QRFP: variants seen among roughly 807,000 people sequenced by gnomAD.
QRFP encodes pyroglutamylated RFamide peptide.
In QRFP, 7 loss-of-function variants were observed where a neutral mutation model predicts 9.1. The ratio of observed to expected loss-of-function variants is 0.77; its 90% CI spans 0.44 to 1.45. QRFP has a LOEUF of 1.45. QRFP is among the 40% of genes most tolerant of loss of function. QRFP has a pLI of 0.01. For synonymous variants in QRFP, 91 were observed against 80.2 expected, an observed-to-expected ratio of 1.13 and a Z score of -0.72; for missense variants, 204 against 185.4, an observed-to-expected ratio of 1.10 and a Z score of -0.58.
chr9:130,895,414 G>A (rs1831743117), intron 2 of QRFP, among the ~76,000 whole-genome samples: 1 of 152,216 alleles, frequency 6.6e-6, no homozygotes, highest in Admixed American at 6.5e-5. Flanking sequence ...TAGAAAGTGG[G>A]GATGCTCATC....
intron 1 of QRFP, 133 bp from the exon 2 acceptor site, chr9:130,896,114 G>T (rs1018954506): frequency 6.6e-6 from 1 of 152,232 alleles, no homozygotes; most frequent in African/African-American, 2.4e-5. Context: ...TCACGCTCCG[G>T]AGAGGACATG....
rs948907773 is a variant in QRFP at position 130,893,113 on chromosome 9, A to G, written c.*315T>C. The G allele has an allele frequency of 1.1e-5, 3 of 268,566 alleles. No homozygotes were observed. Among genetic ancestry groups the G allele is most frequent in the African/African-American group, 2.2e-5 (1 of 45,078 alleles). The allele number at this position is 268,566 out of a possible 1,614,324, so 16.6% of individuals were successfully genotyped here. ...CTGCCTCGCTCTGCTATTCACACTCATGGCCCAGCCACAGCCTCAGCTCCG... is the reference window on the plus strand; with the variant it reads ...CTGCCTCGCTCTGCTATTCACACTCGTGGCCCAGCCACAGCCTCAGCTCCG... On this transcript the variant is annotated 3_prime_UTR_variant, in exon 3 of 3. Transcript: ENST00000623824.
At chr9:130,895,580 C>T (rs1233341260) in intron 2 of QRFP, 117 bp downstream of exon 2, 1 of 152,480 alleles carries the variant, frequency 6.6e-6, no homozygotes, top group Non-Finnish European at 1.5e-5. Context: ...ACTGGTGTCC[C>T]CTCTCCGGGC....
intron 2 of QRFP, among the ~76,000 whole-genome samples, chr9:130,895,288 A>G (rs994323382): frequency 3.3e-5 from 5 of 152,178 alleles, no homozygotes; most frequent in Admixed American, 1.3e-4. Context: ...ATCCTGGTGG[A>G]TAAATCCACC....
Position 130,893,516 on chromosome 9 carries a change from G to C in QRFP, c.323C>G (p.Thr108Ser), listed in dbSNP as rs564310030. Residue 108 changes from threonine to serine, a missense_variant, in exon 3 of 3, where the codon ACC becomes AGC. Transcript: ENST00000623824. ...TGFLPAAGEK[T>S]SGPLGNLAEE... ...AGCCAGGTTCCCTAACGGGCCGCTG[G>C]TCTTCTCCCCCGCAGCAGGGAGGAA... 2.2e-5 allele frequency: 35 copies of C among 1,612,046 alleles called. No homozygotes were observed. Among genetic ancestry groups the C allele is most frequent in the Non-Finnish European group, 2.9e-5 (34 of 1,179,278 alleles).
Position 130,896,805 on chromosome 9 carries a change from G to C in QRFP, c.-514C>G, listed in dbSNP as rs1831766631. 1 of 152,366 alleles carries C rather than the reference G, an allele frequency of 6.6e-6. No homozygotes were observed. The highest frequency in any genetic ancestry group is 1.5e-5 in the Non-Finnish European group (1 of 68,128). 9.4% of individuals were successfully genotyped at this position (152,366 alleles called of 1,614,324 possible). ...GCCTCCGATGGCCTGAGGTGCCCCT[G>C]TCCTGTGTGTGCATGTGTGTGTATG... On this transcript the variant is annotated 5_prime_UTR_variant, in exon 1 of 3. Transcript: ENST00000623824.
At position 130,893,618 on chromosome 9, in the gene QRFP, A is replaced by G. The variant is rs750515176; in HGVS notation, c.221T>C (p.Leu74Pro). ...PQALLVIARG[L>P]QTSGREHAGC... Reference sequence around the variant, plus strand: ...AGCATGCTCTCTGCCCGATGTCTGCAGCCCCCTGGCTATGACAAGCAGGGC... The same window carrying G: ...AGCATGCTCTCTGCCCGATGTCTGCGGCCCCCTGGCTATGACAAGCAGGGC... Residue 74 changes from leucine (L) to proline (P), a missense_variant, in exon 3 of 3, where the codon CTG becomes CCG. Physicochemically the swap from Leu to Pro is moderately conservative, Grantham distance 98. Coordinates refer to ENST00000623824, the MANE Select transcript of QRFP (RefSeq NM_198180.3). 7 of 1,610,886 alleles carry G rather than the reference A, an allele frequency of 4.3e-6. No individual in the cohort carries two copies. Among genetic ancestry groups the G allele is most frequent in the Non-Finnish European group, 5.1e-6 (6 of 1,178,488 alleles).
intron 2 of QRFP, among the ~76,000 whole-genome samples, chr9:130,895,463 C>T (rs73656067): frequency 0.071 from 10,792 of 152,298 alleles, 732 homozygotes; most frequent in African/African-American, 0.17. Context: ...GGGCTTCAGG[C>T]CCCACAGCCA....
In QRFP at chr9:130,893,315, A is replaced by C; in HGVS notation, c.*113T>G. The C allele has an allele frequency of 8.5e-7, 1 of 1,183,200 alleles. No homozygotes were observed. Among genetic ancestry groups the C allele is most frequent in the Non-Finnish European group, 1.2e-6 (1 of 840,298 alleles). 73.3% of individuals were successfully genotyped at this position (1,183,200 alleles called of 1,614,324 possible). A position where few individuals can be genotyped will look rare whatever the true frequency, so the allele number is the denominator to read the frequency against. Reference sequence around the variant, plus strand: ...TGTCCTACCATGGATCGTTCATCGTAACCAAGCCTACATCATCTGGGTGTC... The same window carrying C: ...TGTCCTACCATGGATCGTTCATCGTCACCAAGCCTACATCATCTGGGTGTC... On this transcript the variant is annotated 3_prime_UTR_variant, in exon 3 of 3. Coordinates refer to ENST00000623824, the MANE Select transcript of QRFP (RefSeq NM_198180.3).
intron 2 of QRFP, among the ~76,000 whole-genome samples, chr9:130,895,031 C>T (rs760289590): frequency 3.3e-5 from 5 of 152,132 alleles, no homozygotes; most frequent in African/African-American, 7.2e-5. Flanking sequence ...TTCAAAGAAG[C>T]GAGCTCAGCC....
chr9:130,893,933 A>G, intron 2 of QRFP, 95 bp from the exon 3 acceptor site: 1 of 1,261,446 alleles, frequency 7.9e-7, no homozygotes, highest in Non-Finnish European at 1.1e-6. Context: ...GGCAGCGTAG[A>G]TGTGAGCAGG....
Position 130,893,484 on chromosome 9 carries a change from G to T in QRFP, c.355C>A (p.Leu119Ile). The T allele has an allele frequency of 6.2e-7, 1 of 1,605,454 alleles. No individual in the cohort carries two copies. Among genetic ancestry groups the T allele is most frequent in the Non-Finnish European group, 8.5e-7 (1 of 1,174,328 alleles). The change falls in exon 3 of 3, where the codon CTC becomes ATC. Residue 119 changes from leucine (L) to isoleucine (I), a missense_variant. Transcript: ENST00000623824. ...CCTTTCTTCCTGCTGTAGCCATTGA[G>T]CTCCTCAGCCAGGTTCCCTAACGGG... ...SGPLGNLAEE[L>I]NGYSRKKGGF...
Position 130,896,563 on chromosome 9 carries a change from C to G in QRFP, c.-286+14G>C, listed in dbSNP as rs1237703153. 4 of 152,318 alleles carry G rather than the reference C, an allele frequency of 2.6e-5. No individual in the cohort carries two copies. Among genetic ancestry groups the G allele is most frequent in the Admixed American group, 2.0e-4 (3 of 15,290 alleles). The allele number at this position is 152,318 out of a possible 1,614,324, so 9.4% of individuals were successfully genotyped here. ...GCCTCCCCCATTCCAGGGGCCCTCACCCAGCCGACCTACCCCTGCATCCCG... is the reference window on the plus strand; with the variant it reads ...GCCTCCCCCATTCCAGGGGCCCTCAGCCAGCCGACCTACCCCTGCATCCCG... On this transcript the variant is annotated intron_variant, in intron 1 of 2. Transcript: ENST00000623824.
intron 2 of QRFP, among the ~76,000 whole-genome samples, chr9:130,894,114 G>T (rs1394014644): frequency 6.6e-6 from 1 of 152,234 alleles, no homozygotes; most frequent in African/African-American, 2.4e-5. Flanking sequence ...TGGCAGAGCA[G>T]TGCCCAGGCG....
At chr9:130,895,139 T>G (rs1477611238) in intron 2 of QRFP, among the ~76,000 whole-genome samples, 1 of 152,220 alleles carries the variant, frequency 6.6e-6, no homozygotes, top group East Asian at 1.9e-4. Flanking sequence ...ACCTCCCTCA[T>G]GCTGCCAGGA....
chr9:130,893,238 T>G lies in QRFP; in HGVS notation c.*190A>C. ...AGACAGCCTCCTTTTTGACACTGCC[T>G]AGTTTTTCGCTTCAGCAAAGTTGGA... is the stretch of plus-strand genomic sequence containing the variant. On this transcript the variant is annotated 3_prime_UTR_variant, in exon 3 of 3. Transcript: ENST00000623824. 1.8e-6 allele frequency: 1 copy of G among 542,010 alleles called. No homozygotes were observed. The highest frequency in any genetic ancestry group is 3.1e-6 in the Non-Finnish European group (1 of 327,076). The allele number at this position is 542,010 out of a possible 1,614,324, so 33.6% of individuals were successfully genotyped here.
rs1029462216 is a variant in QRFP, at chr9:130,893,747, A to G, written c.92T>C (p.Met31Thr). ...GCGTTCTCCAGCTCCGAGGCCACCC[A>G]TGGCGTCTGTGGGCTCTCTTCTGTC... is the stretch of plus-strand genomic sequence containing the variant. ...LLDRREPTDA[M>T]GGLGAGERWA... Residue 31 changes from methionine (M) to threonine (T), a missense_variant, in exon 3 of 3, where the codon ATG (methionine) becomes ACG (threonine). Transcript: ENST00000623824. 1.2e-6 allele frequency: 2 copies of G among 1,609,114 alleles called. No individual in the cohort carries two copies. The highest frequency in any genetic ancestry group is 1.1e-5 in the South Asian group (1 of 90,778).
rs201791288 is a variant in QRFP at position 130,893,634 on chromosome 9, C to T, written c.205G>A (p.Val69Ile). 2 of 1,607,618 alleles carry T rather than the reference C, an allele frequency of 1.2e-6. No individual in the cohort carries two copies. The highest frequency in any genetic ancestry group is 1.3e-5 in the African/African-American group (1 of 74,926). ...GATGTCTGCAGCCCCCTGGCTATGA[C>T]AAGCAGGGCCTGTGGCTGTGAAGCT... is the stretch of plus-strand genomic sequence containing the variant. Reference protein sequence around the residue: ...LRASQPQALLVIARGLQTSGR... With the variant: ...LRASQPQALLIIARGLQTSGR... The change falls in exon 3 of 3, where the codon GTC (valine) becomes ATC (isoleucine). Residue 69 changes from valine to isoleucine, a missense_variant. Transcript: ENST00000623824.
intron 2 of QRFP, among the ~76,000 whole-genome samples, chr9:130,895,048 CT>C (rs1046552966): frequency 2.6e-5 from 4 of 152,106 alleles, no homozygotes; most frequent in African/African-American, 9.7e-5. Flanking sequence ...AGCCAGGAAG[CT>C]TTTAAAAAAA....
Sources: gnomAD v4.1 joint callset for allele counts (sites outside exome capture counted in the v4.1 genomes callset) on GRCh38, gnomAD v4.1.1 for gene constraint, MANE v1.5 for transcripts, NCBI Gene and HGNC (gene_info 2026-07-23, HGNC 2026-07-21) for gene names.